SEPTIN14: variants seen among roughly 807,000 people sequenced by gnomAD.
The protein encoded by SEPTIN14 is septin-14.
A neutral mutation model predicts 53.6 loss-of-function variants in SEPTIN14; 40 were observed. The ratio of observed to expected loss-of-function variants is 0.75; its 90% CI spans 0.58 to 0.97. The LOEUF is 0.97. Among genes scored for constraint, SEPTIN14 ranks in the 50% least tolerant of loss-of-function variants. The probability of loss-of-function intolerance (pLI) is 0.00; values close to 1 mark genes in which losing one functional copy is unlikely to be tolerated. For synonymous variants in SEPTIN14, 138 were observed against 166.8 expected (o/e 0.83, Z 1.33); for missense variants, 471 against 508.2 (o/e 0.93, Z 0.70).
rs1403442325 is a variant in SEPTIN14 at position 55,795,330 on chromosome 7, C to T, written c.*583G>A. On this transcript the variant is annotated 3_prime_UTR_variant, in exon 10 of 10. Coordinates refer to ENST00000388975, the MANE Select transcript of SEPTIN14 (RefSeq NM_207366.3). ...CCTAACCAGCTCCTTTTACATGATG[C>T]TACGTGTTTCTTTTGTTTTTTCATT... 6.5e-6 allele frequency: 1 copy of T among 153,310 alleles called. No homozygotes were observed. Among genetic ancestry groups the T allele is most frequent in the Non-Finnish European group, 1.5e-5 (1 of 68,936 alleles). The allele number at this position is 153,310 out of a possible 1,614,324, so 9.5% of individuals were successfully genotyped here.
At chr7:55,813,935 A>C (rs1170683431) in intron 7 of SEPTIN14, among the ~76,000 whole-genome samples, 1 of 152,118 alleles carries the variant, frequency 6.6e-6, no homozygotes, top group Non-Finnish European at 1.5e-5. Flanking sequence ...AGGACCCAGT[A>C]ATTTGCTGGT....
chr7:55,822,516 T>A (rs1788914123), intron 6 of SEPTIN14, among the ~76,000 whole-genome samples: 1 of 151,328 alleles, frequency 6.6e-6, no homozygotes, highest in African/African-American at 2.5e-5. Context: ...AAAGCCATAG[T>A]AATCAAAACA....
intron 2 of SEPTIN14, among the ~76,000 whole-genome samples, chr7:55,854,523 G>T (rs375787933): frequency 1.3e-5 from 2 of 151,436 alleles, no homozygotes; most frequent in Non-Finnish European, 2.9e-5. Context: ...TCCGCCTCCC[G>T]GGTTCACGCT....
intron 2 of SEPTIN14, among the ~76,000 whole-genome samples, chr7:55,846,916 G>A (rs891677588): frequency 6.6e-6 from 1 of 152,260 alleles, no homozygotes; most frequent in Admixed American, 6.5e-5. Flanking sequence ...GGACAGGCAC[G>A]GTGGCTCATG....
intron 3 of SEPTIN14, 43 bp from the exon 4 acceptor site, chr7:55,844,761 C>T (rs764356831): frequency 2.7e-6 from 3 of 1,093,314 alleles, no homozygotes; most frequent in Admixed American, 2.7e-5. Flanking sequence ...CATAAAGGGG[C>T]TAAGAAAAAG....
chr7:55,825,688 C>T (rs928993031), intron 6 of SEPTIN14, among the ~76,000 whole-genome samples: 2 of 152,074 alleles, frequency 1.3e-5, no homozygotes, highest in African/African-American at 4.8e-5. Context: ...AGGATGGGGC[C>T]GGGCGTGGTG....
At chr7:55,854,488 A>G (rs1291248933) in intron 2 of SEPTIN14, among the ~76,000 whole-genome samples, 2 of 151,354 alleles carry the variant, frequency 1.3e-5, no homozygotes, top group Admixed American at 6.6e-5. Context: ...GGAGTGCAGT[A>G]GTGCGATCTC....
At position 55,805,528 on chromosome 7, in the gene SEPTIN14, A is replaced by T. The variant is rs150090269; in HGVS notation, c.987-138T>A. 211 of 577,174 alleles carry T rather than the reference A, an allele frequency of 3.7e-4. 2 individuals are homozygous for T. In the African/African-American group the frequency reaches 3.7e-3, roughly 10 times the overall value. 35.8% of individuals were successfully genotyped at this position (577,174 alleles called of 1,614,324 possible). ...GAGACAGAGTAAGACTCCATCATAA[A>T]AAAATAAAATAAAATGAAAAATAAA... On this transcript the variant is annotated intron_variant, in intron 8 of 9. Transcript: ENST00000388975.
chr7:55,855,680 T>G (rs1005269745), intron 2 of SEPTIN14, among the ~76,000 whole-genome samples: 2 of 152,122 alleles, frequency 1.3e-5, no homozygotes, highest in African/African-American at 4.8e-5. Flanking sequence ...CTCAACGTCC[T>G]GAGTAGCTGG....
At chr7:55,820,153 C>T (rs565220256) in intron 6 of SEPTIN14, among the ~76,000 whole-genome samples, 1 of 152,230 alleles carries the variant, frequency 6.6e-6, no homozygotes, top group South Asian at 2.1e-4. Context: ...GTGCCTGCCA[C>T]CATGCCTGGC....
intron 2 of SEPTIN14, among the ~76,000 whole-genome samples, chr7:55,860,740 T>C (rs558131029): frequency 3.2e-4 from 49 of 152,226 alleles, no homozygotes; most frequent in African/African-American, 1.2e-3. Flanking sequence ...TCCACCCACA[T>C]GAATAGGACT....
intron 2 of SEPTIN14, among the ~76,000 whole-genome samples, chr7:55,856,600 C>T (rs573767372): frequency 2.0e-5 from 3 of 151,962 alleles, no homozygotes; most frequent in African/African-American, 4.8e-5. Flanking sequence ...ACCATGTTGG[C>T]CAGCCTGGTC....
chr7:55,809,309 CTT>C lies in SEPTIN14; in HGVS notation c.818-2053_818-2052del, dbSNP rs780613537. The stretch of plus-strand genomic sequence containing the variant: ...GAGGACAGAAAAGCTACTATGCTTA[CTT>C]TTTTTTTTTTTTTTTTTTTTGGTTA... On this transcript the variant is annotated intron_variant, in intron 7 of 9. Transcript: ENST00000388975. 3.2e-3 allele frequency among the ~76,000 whole-genome samples: 282 copies of C among 88,662 alleles called. 2 individuals carry two copies. The highest frequency in any genetic ancestry group is 3.9e-3 in the African/African-American group (84 of 21,762). 58.2% of individuals were successfully genotyped at this position (88,662 alleles called of 152,430 possible). A position where few individuals can be genotyped will look rare whatever the true frequency, so the allele number is the denominator to read the frequency against.
intron 7 of SEPTIN14, among the ~76,000 whole-genome samples, chr7:55,818,168 A>G (rs987785477): frequency 6.6e-6 from 1 of 152,044 alleles, no homozygotes; most frequent in African/African-American, 2.4e-5. Flanking sequence ...TAATATGTCA[A>G]TTTTTTAACA....
chr7:55,811,510 T>C (rs1330067761), intron 7 of SEPTIN14: 7 of 341,080 alleles, frequency 2.1e-5, no homozygotes, highest in Non-Finnish European at 3.4e-5. Flanking sequence ...TTTTTTTTTT[T>C]TTTTTTTTTG....
At chr7:55,807,318 G>A in intron 7 of SEPTIN14, 60 bp from the exon 8 acceptor site, 1 of 1,115,220 alleles carries the variant, frequency 9.0e-7, no homozygotes, top group African/African-American at 1.6e-5. Context: ...CAATCAGTAA[G>A]TGTTCATGAA....
At chr7:55,814,176 G>C (rs531231719) in intron 7 of SEPTIN14, among the ~76,000 whole-genome samples, 1 of 152,260 alleles carries the variant, frequency 6.6e-6, no homozygotes, top group African/African-American at 2.4e-5. Context: ...ACTGGGCTTG[G>C]GGTACCACCT....
At chr7:55,851,367 G>C (rs1332380790) in intron 2 of SEPTIN14, among the ~76,000 whole-genome samples, 4 of 150,924 alleles carry the variant, frequency 2.7e-5, no homozygotes, top group Non-Finnish European at 2.9e-5. Flanking sequence ...AGTTGCTATA[G>C]TTTTACTTTT....
chr7:55,816,659 T>G (rs1036697412), intron 7 of SEPTIN14, among the ~76,000 whole-genome samples: 15 of 150,416 alleles, frequency 1.0e-4, no homozygotes, highest in African/African-American at 3.7e-4. Flanking sequence ...AAAAAAAAAT[T>G]ACCCAGGCTT....
Sources: allele counts gnomAD v4.1 joint callset (sites outside exome capture counted in the v4.1 genomes callset), GRCh38; gene constraint gnomAD v4.1.1; transcripts MANE v1.5; gene names NCBI Gene and HGNC (gene_info 2026-07-23, HGNC 2026-07-21).